COBLL1: variants seen among roughly 807,000 people sequenced by gnomAD.
The protein encoded by COBLL1 is cordon-bleu WH2 repeat protein like 1.
A neutral mutation model predicts 94.8 loss-of-function variants in COBLL1; 50 were observed. The ratio of observed to expected loss-of-function variants is 0.53; its 90% CI spans 0.42 to 0.67. COBLL1 has a LOEUF of 0.67. COBLL1 is among the 30% of genes least tolerant of loss of function. COBLL1 has a pLI of 0.00. For missense variants in COBLL1, 1,362 were observed against 1,348.7 expected (o/e 1.01, Z -0.15); for synonymous variants, 448 against 473.8 (o/e 0.95, Z 0.71).
intron 1 of COBLL1, among the ~76,000 whole-genome samples, chr2:164,673,607 G>C (rs1691284121): frequency 6.6e-6 from 1 of 152,150 alleles, no homozygotes; most frequent in Non-Finnish European, 1.5e-5. Context: ...CCCAGGAGCG[G>C]AGGTTGTAGT....
At position 164,840,024 on chromosome 2, in the gene COBLL1, G is replaced by A. The variant is rs569031669; in HGVS notation, c.41+1132C>T. 8.3e-4 allele frequency among the ~76,000 whole-genome samples: 126 copies of A among 152,188 alleles called. 3 individuals carry two copies. The South Asian group carries it at 0.026, about 31-fold the overall frequency. ...TCATGTTGCTTTGAGACTTTTCCAT[G>A]TTTCCTCTAGACAGCTGCCAATGTT... On this transcript the variant is annotated intron_variant, in intron 2 of 13. Coordinates refer to ENST00000652658, the MANE Select transcript of COBLL1 (RefSeq NM_001365672.2).
chr2:164,714,621 G>A (rs989909713), intron 7 of COBLL1, among the ~76,000 whole-genome samples: 2 of 152,108 alleles, frequency 1.3e-5, no homozygotes, highest in African/African-American at 2.4e-5. Flanking sequence ...GGCAATTAAG[G>A]CTGGGAGCAG....
At chr2:164,797,194 T>G (rs1300088272) in intron 2 of COBLL1, among the ~76,000 whole-genome samples, 6 of 152,208 alleles carry the variant, frequency 3.9e-5, no homozygotes. Flanking sequence ...AGTCCTCTCA[T>G]GTGCAAGCAT....
At chr2:164,803,574 T>A (rs1056994031) in intron 2 of COBLL1, among the ~76,000 whole-genome samples, 33 of 108,590 alleles carry the variant, frequency 3.0e-4, no homozygotes, top group Admixed American at 3.1e-4. Context: ...CAAAAATAAA[T>A]AAATAAATAA....
intron 2 of COBLL1, among the ~76,000 whole-genome samples, chr2:164,798,636 C>T (rs1322191727): frequency 6.6e-6 from 1 of 152,126 alleles, no homozygotes; most frequent in Non-Finnish European, 1.5e-5. Context: ...GGGGGACTAT[C>T]TGCTAACAAA....
At chr2:164,751,079 A>T (rs74356422) in intron 2 of COBLL1, among the ~76,000 whole-genome samples, 1 of 152,098 alleles carries the variant, frequency 6.6e-6, no homozygotes, top group South Asian at 2.1e-4. Flanking sequence ...AGAAAACTTC[A>T]AATTGCCTGC....
At chr2:164,707,434 C>T (rs984947282) in intron 7 of COBLL1, among the ~76,000 whole-genome samples, 5 of 152,160 alleles carry the variant, frequency 3.3e-5, no homozygotes, top group African/African-American at 9.7e-5. Context: ...AGCTACCATA[C>T]CCGGTCAAAT....
intron 2 of COBLL1, among the ~76,000 whole-genome samples, chr2:164,818,141 T>C (rs1684874429): frequency 6.6e-6 from 1 of 151,438 alleles, no homozygotes; most frequent in Non-Finnish European, 1.5e-5. Context: ...TGTACATGTA[T>C]ATGTACATGT....
chr2:164,775,544 C>A (rs910407513), intron 2 of COBLL1, among the ~76,000 whole-genome samples: 1 of 152,176 alleles, frequency 6.6e-6, no homozygotes, highest in Non-Finnish European at 1.5e-5. Context: ...CTCACTGCAA[C>A]CTCCGCCTAC....
chr2:164,805,337 C>CATATAAAAA (rs1684066406), intron 2 of COBLL1, among the ~76,000 whole-genome samples: 1 of 17,054 alleles, frequency 5.9e-5, no homozygotes, highest in African/African-American at 2.3e-4. Flanking sequence ...CTCTCTCTCT[C>CATATAAAAA]TATATATATA....
rs1048843578 is a variant in COBLL1 at position 164,841,179 on chromosome 2, C to G, written c.18G>C (p.Pro6=). 4 of 1,231,560 alleles carry G rather than the reference C, an allele frequency of 3.2e-6. No homozygotes were observed. In the Admixed American group the frequency reaches 1.3e-4, roughly 39 times the overall value. 76.3% of individuals were successfully genotyped at this position (1,231,560 alleles called of 1,614,324 possible). The change falls in exon 2 of 14, where the codon CCG becomes CCC. Residue 6 remains proline (P), a synonymous_variant. Coordinates refer to ENST00000652658, the MANE Select transcript of COBLL1 (RefSeq NM_001365672.2). The surrounding 1 kb of genome is among the most constrained non-coding windows in gnomAD (Gnocchi z 5.5). ...ACCTGGCTGGGGCGTCCTGCGGGCGCGGGGTTCGGCCGTCCATCGCCCTGC... is the reference window on the plus strand; with the variant it reads ...ACCTGGCTGGGGCGTCCTGCGGGCGGGGGGTTCGGCCGTCCATCGCCCTGC... MDGRT[P]RPQDAPARRK... is the part of the protein sequence containing the mutation.
chr2:164,678,892 A>T (rs1248289415), downstream of COBLL1, among the ~76,000 whole-genome samples: 1 of 152,148 alleles, frequency 6.6e-6, no homozygotes, highest in Non-Finnish European at 1.5e-5. Flanking sequence ...GCCTGTTGGA[A>T]AGAAAATGGT....
At chr2:164,779,680 G>A (rs752994721) in intron 2 of COBLL1, 8 of 470,964 alleles carry the variant, frequency 1.7e-5, no homozygotes, top group East Asian at 1.4e-4. Context: ...TTCTCTCTGA[G>A]TCTCTCGACC....
chr2:164,782,002 G>C (rs906515715), intron 2 of COBLL1, among the ~76,000 whole-genome samples: 7 of 151,834 alleles, frequency 4.6e-5, no homozygotes, highest in Non-Finnish European at 4.4e-5. Flanking sequence ...TTTAGCCTCA[G>C]AGAAGGCTAT....
chr2:164,667,860 T>G (rs1363035744), intron 1 of COBLL1, among the ~76,000 whole-genome samples: 1 of 152,212 alleles, frequency 6.6e-6, no homozygotes, highest in Non-Finnish European at 1.5e-5. Context: ...ATGTGTTCAC[T>G]GGAGTAGCAC....
rs1280871537 is a variant in COBLL1 at position 164,692,390 on chromosome 2, T to C, written c.3131A>G (p.Asn1044Ser). 1.3e-6 allele frequency: 2 copies of C among 1,590,772 alleles called. No individual in the cohort carries two copies. The highest frequency in any genetic ancestry group is 3.7e-5 in the Admixed American group (2 of 53,784). ...GGAATTCTGTTCATTATGTGCAGAG[T>C]TATTTTCCTACAAAAATAAATGTGA... The part of the protein sequence containing the change: ...PQLGVSDKEN[N>S]SAHNEQNSQI... The change falls in exon 13 of 14, where the codon AAC becomes AGC. Residue 1044 changes from asparagine (N) to serine (S), a missense_variant. Asn to Ser is a conservative substitution (Grantham distance 46). Transcript: ENST00000652658.
chr2:164,826,253 T>C (rs1685422789), intron 2 of COBLL1, among the ~76,000 whole-genome samples: 1 of 152,224 alleles, frequency 6.6e-6, no homozygotes, highest in African/African-American at 2.4e-5. Context: ...GTGATTTTCA[T>C]TGAGATTAGT....
At chr2:164,677,592 C>G (rs886868537), downstream of COBLL1, among the ~76,000 whole-genome samples, 4 of 152,166 alleles carry the variant, frequency 2.6e-5, no homozygotes, top group Admixed American at 6.6e-5. Flanking sequence ...CAACAGAGCT[C>G]TAGCTTTCAG....
At chr2:164,747,930 C>A (rs1686950339) in intron 2 of COBLL1, among the ~76,000 whole-genome samples, 1 of 151,990 alleles carries the variant, frequency 6.6e-6, no homozygotes, top group African/African-American at 2.4e-5. Flanking sequence ...CGAGAAGATG[C>A]AATGCATAAT....
Sources: allele counts gnomAD v4.1 joint callset (sites outside exome capture counted in the v4.1 genomes callset), GRCh38; gene constraint gnomAD v4.1.1; non-coding constraint Gnocchi (gnomAD v3.1); transcripts MANE v1.5; gene names NCBI Gene and HGNC (gene_info 2026-07-23, HGNC 2026-07-21).